Variants in CCDC178 observed in about 807,000 individuals in gnomAD.
The protein encoded by CCDC178 is coiled-coil domain containing 178, also known as coiled-coil domain-containing protein 178.
A neutral mutation model predicts 117.4 loss-of-function variants in CCDC178; 126 were observed. The observed-to-expected ratio is 1.07, with a 90% CI of 0.93 to 1.24. The LOEUF is 1.24. Ranked by LOEUF, CCDC178 falls within the 50% of genes most tolerant of loss-of-function variation. CCDC178 has a pLI of 0.00. For synonymous variants in CCDC178, 283 were observed against 313.4 expected (o/e 0.90, Z 1.02); for missense variants, 1,030 against 986.9 (o/e 1.04, Z -0.59).
At chr18:32,952,988 G>A (rs886797026) in intron 22 of CCDC178, among the ~76,000 whole-genome samples, 2 of 151,918 alleles carry the variant, frequency 1.3e-5, no homozygotes, top group Non-Finnish European at 2.9e-5. Flanking sequence ...TAGCCAGGAT[G>A]GTCTAGATCT....
At chr18:33,168,938 C>T (rs2058565254) in intron 20 of CCDC178, among the ~76,000 whole-genome samples, 1 of 152,178 alleles carries the variant, frequency 6.6e-6, no homozygotes, top group Admixed American at 6.5e-5. Context: ...AGCCTACATC[C>T]TGTTATGGTT....
chr18:32,993,433 A>C (rs1310800962), intron 21 of CCDC178, among the ~76,000 whole-genome samples: 2 of 150,906 alleles, frequency 1.3e-5, no homozygotes, highest in African/African-American at 4.9e-5. Flanking sequence ...AAAAATAAGT[A>C]CAAATAAGAT....
intron 21 of CCDC178, among the ~76,000 whole-genome samples, chr18:33,073,020 T>A (rs1207877763): frequency 6.6e-6 from 1 of 152,170 alleles, no homozygotes; most frequent in African/African-American, 2.4e-5. Flanking sequence ...GACTTTTTAC[T>A]TGTGGGTATC....
intron 6 of CCDC178, among the ~76,000 whole-genome samples, chr18:33,363,457 C>A (rs1442778025): frequency 6.6e-6 from 1 of 151,932 alleles, no homozygotes; most frequent in African/African-American, 2.4e-5. Flanking sequence ...CCAGTGAGGA[C>A]CACAGACCAA....
chr18:33,403,546 T>C (rs1229753839), intron 3 of CCDC178, among the ~76,000 whole-genome samples: 2 of 151,944 alleles, frequency 1.3e-5, no homozygotes, highest in East Asian at 1.9e-4. Context: ...AAATAGACTT[T>C]TGTCAAAATC....
intron 14 of CCDC178, among the ~76,000 whole-genome samples, chr18:33,265,279 TGAG>T (rs2059798522): frequency 6.6e-6 from 1 of 152,074 alleles, no homozygotes; most frequent in East Asian, 1.9e-4. Flanking sequence ...TGCTATATGA[TGAG>T]GATTCAATAG....
rs879083168 is a variant in CCDC178, at chr18:33,092,626, A to C, written c.2388+135T>G. The C allele has an allele frequency of 1.9e-4, 96 of 507,184 alleles. No homozygotes were observed. In the South Asian group the frequency reaches 3.7e-3, roughly 19 times the overall value. 31.4% of individuals were successfully genotyped at this position (507,184 alleles called of 1,614,324 possible). On this transcript the variant is annotated intron_variant, in intron 21 of 22. Coordinates refer to ENST00000383096, the MANE Select transcript of CCDC178 (RefSeq NM_001105528.4). The stretch of plus-strand genomic sequence containing the variant: ...TAAAAGGTTGATATAAATATACAAC[A>C]AAACTACACAGAGAAAATAGGCCAT...
intron 6 of CCDC178, among the ~76,000 whole-genome samples, chr18:33,363,923 C>A (rs2063163956): frequency 6.6e-6 from 1 of 152,090 alleles, no homozygotes; most frequent in Non-Finnish European, 1.5e-5. Flanking sequence ...TCTGGATCCA[C>A]ATCTTTTCTA....
intron 5 of CCDC178, among the ~76,000 whole-genome samples, chr18:33,383,199 C>T (rs1008126528): frequency 1.3e-5 from 2 of 152,170 alleles, no homozygotes; most frequent in African/African-American, 4.8e-5. Context: ...CAGCACCAGT[C>T]AGGGGCTTAC....
At chr18:33,136,949 A>C (rs191443393) in intron 20 of CCDC178, among the ~76,000 whole-genome samples, 47 of 152,332 alleles carry the variant, frequency 3.1e-4, no homozygotes, top group Admixed American at 5.2e-4. Context: ...TTGAGGCCAT[A>C]GTGGTGAGCA....
chr18:33,017,213 A>G (rs1381316694), intron 21 of CCDC178, among the ~76,000 whole-genome samples: 1 of 151,860 alleles, frequency 6.6e-6, no homozygotes. Context: ...ATCTTAAAAA[A>G]TCAGTAAAAA....
intron 6 of CCDC178, 83 bp downstream of exon 6, chr18:33,369,967 G>A: frequency 8.6e-7 from 1 of 1,162,270 alleles, no homozygotes; most frequent in East Asian, 2.8e-5. Context: ...AAAGTCCAGA[G>A]TTTCCTGGGT....
intron 20 of CCDC178, among the ~76,000 whole-genome samples, chr18:33,160,435 T>A (rs903703758): frequency 1.3e-5 from 2 of 152,146 alleles, no homozygotes; most frequent in Non-Finnish European, 2.9e-5. Flanking sequence ...AAGTATTATT[T>A]ATTTTATCTT....
At chr18:33,298,569 A>G (rs1474497814) in intron 11 of CCDC178, among the ~76,000 whole-genome samples, 1 of 152,194 alleles carries the variant, frequency 6.6e-6, no homozygotes, top group Non-Finnish European at 1.5e-5. Context: ...AAGATCTAGA[A>G]CAAGACAAGG....
At chr18:33,224,974 A>G in intron 16 of CCDC178, 38 bp from the exon 17 acceptor site, 1 of 1,426,620 alleles carries the variant, frequency 7.0e-7, no homozygotes, top group Non-Finnish European at 9.3e-7. Flanking sequence ...TTCAGTTATT[A>G]ACTTAAACAT....
chr18:33,144,949 T>C (rs2058251039), intron 20 of CCDC178, among the ~76,000 whole-genome samples: 2 of 152,142 alleles, frequency 1.3e-5, no homozygotes, highest in Admixed American at 1.3e-4. Context: ...ATTAGTAAGT[T>C]ATTGATAACA....
rs2059112682 is a variant in CCDC178, at chr18:33,211,906, T to A, written c.2228A>T (p.Gln743Leu). The change falls in exon 20 of 23, where the codon CAA becomes CTA. Residue 743 changes from glutamine to leucine, a missense_variant. Coordinates refer to ENST00000383096, the MANE Select transcript of CCDC178 (RefSeq NM_001105528.4). Reference protein sequence around the residue: ...VLLAVRQKTLQDTQKIIADSL... With the variant: ...VLLAVRQKTLLDTQKIIADSL... ...AAAAATAATACTCACTTGGGTATCT[T>A]GAAGAGTTTTTTGTCTTACAGCAAG... is the stretch of plus-strand genomic sequence containing the variant. 1.1e-5 allele frequency: 18 copies of A among 1,604,102 alleles called. No homozygotes were observed. The East Asian group carries it at 4.0e-4, about 36-fold the overall frequency.
At chr18:33,187,408 T>A (rs1470952281) in intron 20 of CCDC178, among the ~76,000 whole-genome samples, 1 of 152,082 alleles carries the variant, frequency 6.6e-6, no homozygotes, top group African/African-American at 2.4e-5. Context: ...CGAAGGAAGT[T>A]ACTCTCTTCT....
intron 20 of CCDC178, among the ~76,000 whole-genome samples, chr18:33,179,109 AAAC>A (rs1365535943): frequency 9.3e-4 from 101 of 108,726 alleles, no homozygotes; most frequent in Non-Finnish European, 1.5e-3. Flanking sequence ...ATATATATAT[AAAC>A]TATATATATA....
Sources: gnomAD v4.1 joint callset for allele counts (sites outside exome capture counted in the v4.1 genomes callset) on GRCh38, gnomAD v4.1.1 for gene constraint, MANE v1.5 for transcripts, NCBI Gene and HGNC (gene_info 2026-07-23, HGNC 2026-07-21) for gene names.